The following CACNA2D1 variants were observed in gnomAD, a reference collection of about 807,000 sequenced individuals.
CACNA2D1 encodes the protein voltage-dependent calcium channel subunit alpha-2/delta-1.
A neutral mutation model predicts 171.5 loss-of-function variants in CACNA2D1; 53 were observed. The ratio of observed to expected loss-of-function variants is 0.31; its 90% CI spans 0.25 to 0.39. CACNA2D1 has a LOEUF of 0.39. Ranked by LOEUF, CACNA2D1 falls within the 10% of genes least tolerant of loss-of-function variation. CACNA2D1 has a pLI of 1.00. For synonymous variants in CACNA2D1, 442 were observed against 443.1 expected, an observed-to-expected ratio of 1.00 and a Z score of 0.03; for missense variants, 903 against 1,299.8, an observed-to-expected ratio of 0.69 and a Z score of 4.69.
intron 7 of CACNA2D1, among the ~76,000 whole-genome samples, chr7:82,072,102 C>T (rs1031885388): frequency 1.3e-5 from 2 of 152,088 alleles, no homozygotes; most frequent in Non-Finnish European, 2.9e-5. Context: ...GTAATTGAAT[C>T]AGTACCTTGA....
At chr7:82,011,903 T>C in intron 15 of CACNA2D1, 1 of 382,880 alleles carries the variant, frequency 2.6e-6, no homozygotes, top group South Asian at 5.0e-5. Context: ...CATTCCAGGT[T>C]GGAAATTCTA....
chr7:82,102,173 G>GT (rs1325258364), intron 6 of CACNA2D1, among the ~76,000 whole-genome samples: 1 of 151,998 alleles, frequency 6.6e-6, no homozygotes, highest in Non-Finnish European at 1.5e-5. Context: ...GAGAAGGGAA[G>GT]TAACAGTTCT....
chr7:82,111,704 C>T (rs1302803096), intron 6 of CACNA2D1, among the ~76,000 whole-genome samples: 1 of 151,776 alleles, frequency 6.6e-6, no homozygotes, highest in East Asian at 1.9e-4. Context: ...CCACTTTGGT[C>T]TCCCAAAGTG....
intron 1 of CACNA2D1, among the ~76,000 whole-genome samples, chr7:82,409,456 T>C (rs1827411182): frequency 6.6e-6 from 1 of 152,156 alleles, no homozygotes; most frequent in African/African-American, 2.4e-5. Flanking sequence ...ATGATGCAAG[T>C]ATTGGCAAAA....
intron 1 of CACNA2D1, among the ~76,000 whole-genome samples, chr7:82,353,912 CA>C (rs781502955): frequency 6.6e-6 from 1 of 151,962 alleles, no homozygotes; most frequent in East Asian, 1.9e-4. Context: ...ATGCCACCCC[CA>C]AATAGGGCAC....
chr7:82,320,533 T>A (rs954109328), intron 3 of CACNA2D1, among the ~76,000 whole-genome samples: 9 of 151,066 alleles, frequency 6.0e-5, no homozygotes, highest in Non-Finnish European at 1.3e-4. Flanking sequence ...CATCCTAGTC[T>A]CCTGAGGAGC....
At chr7:82,231,120 GT>G in intron 3 of CACNA2D1, among the ~76,000 whole-genome samples, 1 of 152,282 alleles carries the variant, frequency 6.6e-6, no homozygotes, top group South Asian at 2.1e-4. Context: ...CCTTCCTTTT[GT>G]TGTTTGTGCT....
intron 1 of CACNA2D1, among the ~76,000 whole-genome samples, chr7:82,373,366 C>T (rs995955980): frequency 3.9e-5 from 6 of 152,108 alleles, no homozygotes; most frequent in African/African-American, 1.2e-4. Flanking sequence ...AAAAACCACA[C>T]GGTCCACAAA....
intron 3 of CACNA2D1, among the ~76,000 whole-genome samples, chr7:82,204,527 T>G (rs1799815232): frequency 6.6e-6 from 1 of 152,030 alleles, no homozygotes; most frequent in South Asian, 2.1e-4. Context: ...CACCATGGGG[T>G]GGTTGCCTGC....
intron 4 of CACNA2D1, among the ~76,000 whole-genome samples, chr7:82,139,061 T>G (rs1792047561): frequency 6.6e-6 from 1 of 152,140 alleles, no homozygotes; most frequent in Non-Finnish European, 1.5e-5. Flanking sequence ...TTTCAACAGA[T>G]ACTCACTAAT....
At chr7:81,966,888 T>C (rs1794753847) in intron 31 of CACNA2D1, among the ~76,000 whole-genome samples, 1 of 151,430 alleles carries the variant, frequency 6.6e-6, no homozygotes, top group Non-Finnish European at 1.5e-5. Flanking sequence ...AAGATAAATA[T>C]GTACAAAAGA....
chr7:82,417,580 T>C (rs1473847743), intron 1 of CACNA2D1, among the ~76,000 whole-genome samples: 3 of 152,164 alleles, frequency 2.0e-5, no homozygotes, highest in African/African-American at 7.2e-5. Context: ...CATGGGTCAA[T>C]TTACTATGCA....
At chr7:81,996,283 T>C (rs1338677947) in intron 19 of CACNA2D1, among the ~76,000 whole-genome samples, 2 of 152,182 alleles carry the variant, frequency 1.3e-5, no homozygotes, top group Non-Finnish European at 2.9e-5. Context: ...TACTTTATTA[T>C]GTCAATTACT....
At position 82,038,209 on chromosome 7, in the gene CACNA2D1, G is replaced by A. The variant is rs749519172; in HGVS notation, c.906C>T (p.Ser302=). The change falls in exon 11 of 39, where the codon AGC becomes AGT. Residue 302 remains serine, a synonymous_variant. Coordinates refer to ENST00000356860, the MANE Select transcript of CACNA2D1 (RefSeq NM_000722.4). ...ASFNSNAQDV[S]CFQHLVQANV... ...TTGCTTGGACAAGGTGCTGAAAACA[G>A]CTTACATCCTGAGCATTGCTGTTAA... 6 of 1,613,428 alleles carry A rather than the reference G, an allele frequency of 3.7e-6. No individual in the cohort carries two copies. Among genetic ancestry groups the A allele is most frequent in the Non-Finnish European group, 5.1e-6 (6 of 1,179,746 alleles).
intron 1 of CACNA2D1, among the ~76,000 whole-genome samples, chr7:82,366,220 T>C (rs1016346235): frequency 8.5e-6 from 1 of 117,298 alleles, no homozygotes; most frequent in African/African-American, 2.8e-5. Context: ...TATTCTAATA[T>C]AATGTCAACT....
At chr7:82,250,140 T>C (rs1025629942) in intron 3 of CACNA2D1, among the ~76,000 whole-genome samples, 4 of 152,168 alleles carry the variant, frequency 2.6e-5, no homozygotes, top group Non-Finnish European at 5.9e-5. Context: ...TCCTGAGACA[T>C]TGACATTAAT....
At chr7:82,382,301 T>C (rs1444534592) in intron 1 of CACNA2D1, among the ~76,000 whole-genome samples, 1 of 152,252 alleles carries the variant, frequency 6.6e-6, no homozygotes, top group African/African-American at 2.4e-5. Flanking sequence ...CAGAAGCAAC[T>C]AGTCCTTCCC....
chr7:82,044,742 A>AT (rs1804353505), intron 10 of CACNA2D1, among the ~76,000 whole-genome samples: 1 of 152,154 alleles, frequency 6.6e-6, no homozygotes, highest in Non-Finnish European at 1.5e-5. Flanking sequence ...GCGCTCCAAA[A>AT]TTTTGGCTGT....
intron 3 of CACNA2D1, among the ~76,000 whole-genome samples, chr7:82,220,755 C>A (rs1446450153): frequency 1.3e-5 from 2 of 149,838 alleles, no homozygotes; most frequent in African/African-American, 4.9e-5. Flanking sequence ...ACTCGAGAAA[C>A]AGAAAAGTTT....
Sources: gnomAD v4.1 joint callset for allele counts (sites outside exome capture counted in the v4.1 genomes callset) on GRCh38, gnomAD v4.1.1 for gene constraint, MANE v1.5 for transcripts, NCBI Gene and HGNC (gene_info 2026-07-23, HGNC 2026-07-21) for gene names.